Variants in EVC observed in about 807,000 individuals in gnomAD.
The protein encoded by EVC is evC complex member EVC.
EVC carries 116 observed loss-of-function variants against 118.9 expected under a neutral mutation model. That is an observed-to-expected ratio of 0.98 (90% CI 0.84 to 1.14). EVC has a LOEUF of 1.14. Among genes scored for constraint, EVC ranks in the 50% most tolerant of loss-of-function variants. The pLI is 0.00. For missense variants in EVC, 1,401 were observed against 1,246.4 expected, an observed-to-expected ratio of 1.12 and a Z score of -1.87; for synonymous variants, 619 against 534.7, an observed-to-expected ratio of 1.16 and a Z score of -2.18.
chr4:5,822,496 G>C, the EVC span, among the ~76,000 whole-genome samples: 137 of 91,184 alleles, frequency 1.5e-3, no homozygotes, highest in Middle Eastern at 0.019. Flanking sequence ...GATCTGAAGG[G>C]GGGGGGGGTG....
downstream of EVC, among the ~76,000 whole-genome samples, chr4:5,817,134 G>A (rs751977840): frequency 1.2e-4 from 18 of 152,224 alleles, no homozygotes; most frequent in Non-Finnish European, 2.2e-4. Flanking sequence ...ACAAGTGAAC[G>A]TTGGGATACG....
chr4:5,724,348 T>C (rs975270670), intron 2 of EVC, among the ~76,000 whole-genome samples: 14 of 152,202 alleles, frequency 9.2e-5, no homozygotes, highest in Non-Finnish European at 1.5e-5. Flanking sequence ...ACTTGGGATG[T>C]GGGAGTGCGC....
rs71171483 is a variant in EVC, at chr4:5,782,536, G to GAA, written c.1564-986_1564-985dup. Among the ~76,000 whole-genome samples, 65 of 45,724 alleles carry GAA rather than the reference G, an allele frequency of 1.4e-3. 4 individuals are homozygous for GAA. Among genetic ancestry groups the GAA allele is most frequent in the African/African-American group, 3.6e-3 (60 of 16,706 alleles). The allele number at this position is 45,724 out of a possible 152,430, so 30.0% of individuals were successfully genotyped here. A position where few individuals can be genotyped will look rare whatever the true frequency, so the allele number is the denominator to read the frequency against. On this transcript the variant is annotated intron_variant, in intron 11 of 20. Coordinates refer to ENST00000264956, the MANE Select transcript of EVC (RefSeq NM_153717.3). ...AGCCTCCCGCTTCCATGTTTTAAATGAAAAAAAAAAAAAAAAAAAAAAAAA... is the reference window on the plus strand; with the variant it reads ...AGCCTCCCGCTTCCATGTTTTAAATGAAAAAAAAAAAAAAAAAAAAAAAAAAA...
rs2152076737 is a variant in EVC at position 5,753,024 on chromosome 4, C to T, written c.1287C>T (p.Phe429=). 4 of 1,608,788 alleles carry T rather than the reference C, an allele frequency of 2.5e-6. No individual in the cohort carries two copies. The highest frequency in any genetic ancestry group is 2.2e-5 in the East Asian group (1 of 44,734). Residue 429 remains phenylalanine (F), a synonymous_variant, in exon 9 of 21, where the codon TTC becomes TTT. Coordinates refer to ENST00000264956, the MANE Select transcript of EVC (RefSeq NM_153717.3). The stretch of plus-strand genomic sequence containing the variant: ...TGCTCACGCAGCAGCACAAGGCCTT[C>T]TGGCAGGAGGCAGAGCGCTTCAGCC... The part of the protein sequence containing the change: ...EELLTQQHKA[F]WQEAERFSRE...
Position 5,719,427 on chromosome 4 carries a change from TC to T in EVC, c.300+59del. On this transcript the variant is annotated intron_variant, in intron 2 of 20. Coordinates refer to ENST00000264956, the MANE Select transcript of EVC (RefSeq NM_153717.3). This position sits in a 1 kb window ranked among gnomAD's most constrained non-coding sequence, Gnocchi z 4.7. ...GAGGCACATGTGGGAGGTGGGGTAT[TC>T]CCCCTGGAAGCCGGGTGTCATGTAG... The T allele has an allele frequency of 1.2e-6, 2 of 1,610,160 alleles. No individual in the cohort carries two copies. Among genetic ancestry groups the T allele is most frequent in the Non-Finnish European group, 1.7e-6 (2 of 1,179,332 alleles).
At chr4:5,723,811 A>C (rs781635899) in intron 2 of EVC, among the ~76,000 whole-genome samples, 8 of 152,148 alleles carry the variant, frequency 5.3e-5, no homozygotes, top group African/African-American at 9.7e-5. Context: ...ATTATTAAAT[A>C]AGAATCCCCA....
At chr4:5,782,265 G>A (rs1027058225) in intron 11 of EVC, among the ~76,000 whole-genome samples, 2 of 151,666 alleles carry the variant, frequency 1.3e-5, no homozygotes, top group Admixed American at 6.6e-5. Flanking sequence ...AGTAGAGACA[G>A]GGTTTCACCG....
intron 19 of EVC, among the ~76,000 whole-genome samples, chr4:5,809,988 G>C (rs1451753987): frequency 6.6e-6 from 1 of 152,192 alleles, no homozygotes; most frequent in South Asian, 2.1e-4. Flanking sequence ...AGAACACAGA[G>C]ATCTACTGAA....
chr4:5,819,528 G>C, the EVC span, among the ~76,000 whole-genome samples: 1 of 152,202 alleles, frequency 6.6e-6, no homozygotes, highest in Non-Finnish European at 1.5e-5. Flanking sequence ...TTCGACATGG[G>C]CTCTAGATTA....
chr4:5,778,177 T>C lies in EVC; in HGVS notation c.1564-5375T>C, dbSNP rs561136581. ...TACAAAGGACATGAACTCATCATTTTTTATGGCTGCATAGTATTCCATGGT... is the reference window on the plus strand; with the variant it reads ...TACAAAGGACATGAACTCATCATTTCTTATGGCTGCATAGTATTCCATGGT... On this transcript the variant is annotated intron_variant, in intron 11 of 20. Transcript: ENST00000264956. Among the ~76,000 whole-genome samples the C allele has an allele frequency of 6.6e-5, 10 of 151,720 alleles. 1 individual carries two copies. Among genetic ancestry groups the C allele is most frequent in the African/African-American group, 2.4e-4 (10 of 41,164 alleles).
intron 11 of EVC, among the ~76,000 whole-genome samples, chr4:5,767,182 G>C (rs374578340): frequency 6.6e-6 from 1 of 152,146 alleles, no homozygotes; most frequent in African/African-American, 2.4e-5. Context: ...AGTCTGCCTG[G>C]GCTGGGGATG....
rs182234187 is a variant in EVC at position 5,719,947 on chromosome 4, G to T, written c.300+574G>T. Among the ~76,000 whole-genome samples the T allele has an allele frequency of 1.4e-4, 21 of 152,212 alleles. No individual in the cohort carries two copies. The highest frequency in any genetic ancestry group is 1.4e-3 in the Admixed American group (21 of 15,290). On this transcript the variant is annotated intron_variant, in intron 2 of 20. Transcript: ENST00000264956. The surrounding 1 kb of genome is among the most constrained non-coding windows in gnomAD (Gnocchi z 4.7). Reference sequence around the variant, plus strand: ...AATGAATAAGCCTACTATGAATGTTGGTGCATAAGTCTGTTTATTTTCATT... The same window carrying T: ...AATGAATAAGCCTACTATGAATGTTTGTGCATAAGTCTGTTTATTTTCATT...
chr4:5,783,760 A>G lies in EVC; in HGVS notation c.1772A>G (p.Gln591Arg). 6.2e-7 allele frequency: 1 copy of G among 1,609,612 alleles called. No individual in the cohort carries two copies. Among genetic ancestry groups the G allele is most frequent in the Non-Finnish European group, 8.5e-7 (1 of 1,177,822 alleles). The change falls in exon 12 of 21, where the codon CAG becomes CGG. Residue 591 changes from glutamine (Q) to arginine (R), a missense_variant. Transcript: ENST00000264956. ...TTCCAGGAGCTCCTAGAGCAAGACC[A>G]GCAGGTGCGGGCATTTGGGAACCCA... is the stretch of plus-strand genomic sequence containing the variant. ...KLFQELLEQD[Q>R]QVWMEECALS... is the part of the protein sequence containing the mutation.
chr4:5,745,478 C>A, intron 7 of EVC, 137 bp downstream of exon 7: 1 of 878,740 alleles, frequency 1.1e-6, no homozygotes, highest in Non-Finnish European at 1.8e-6. Context: ...GAGGCAGGAT[C>A]CAGTTTCTGA....
chr4:5,801,803 C>T (rs1715034936), intron 15 of EVC, 147 bp from the exon 16 acceptor site: 13 of 800,802 alleles, frequency 1.6e-5, no homozygotes, highest in African/African-American at 3.4e-5. Flanking sequence ...ACCAGCCATG[C>T]ACTCTCTGCC....
intron 12 of EVC, 52 bp from the exon 13 acceptor site, chr4:5,793,556 T>G: frequency 2.1e-6 from 3 of 1,409,546 alleles, no homozygotes; most frequent in Non-Finnish European, 2.9e-6. Flanking sequence ...GCAAGCAGGA[T>G]TGTTGAAGTG....
intron 16 of EVC, 117 bp downstream of exon 16, chr4:5,802,211 A>C: frequency 1.4e-6 from 2 of 1,413,592 alleles, no homozygotes; most frequent in East Asian, 4.7e-5. Flanking sequence ...TAATTATTTC[A>C]GTGTTTTAAT....
intron 16 of EVC, 29 bp from the exon 17 acceptor site, chr4:5,804,701 C>G (rs749699233): frequency 1.6e-5 from 25 of 1,601,286 alleles, no homozygotes; most frequent in Non-Finnish European, 1.9e-5. Context: ...CAAACAGACC[C>G]CTTGATTGTC....
chr4:5,794,359 GTATT>G (rs1560420232), intron 13 of EVC, among the ~76,000 whole-genome samples: 1 of 101,852 alleles, frequency 9.8e-6, no homozygotes, highest in African/African-American at 3.8e-5. Context: ...ATATATTTAT[GTATT>G]TATATTTATA....
Sources: gnomAD v4.1 joint callset for allele counts (sites outside exome capture counted in the v4.1 genomes callset) on GRCh38, gnomAD v4.1.1 for gene constraint, Gnocchi (gnomAD v3.1) non-coding constraint, MANE v1.5 for transcripts, NCBI Gene and HGNC (gene_info 2026-07-23, HGNC 2026-07-21) for gene names.